The following PTPN12 variants were observed in gnomAD, a reference collection of about 807,000 sequenced individuals.
PTPN12 encodes the protein protein tyrosine phosphatase non-receptor type 12.
A neutral mutation model predicts 97.6 loss-of-function variants in PTPN12; 29 were observed. That is an observed-to-expected ratio of 0.30 (90% CI 0.22 to 0.41). The LOEUF is 0.41. Among genes scored for constraint, PTPN12 ranks in the 10% least tolerant of loss-of-function variants. The probability of loss-of-function intolerance (pLI) is 1.00; values close to 1 mark genes in which losing one functional copy is unlikely to be tolerated. For synonymous variants in PTPN12, 327 were observed against 300.4 expected (o/e 1.09, Z -0.91); for missense variants, 819 against 926.0 (o/e 0.88, Z 1.50).
intron 14 of PTPN12, among the ~76,000 whole-genome samples, chr7:77,633,735 G>A (rs187569287): frequency 6.6e-6 from 1 of 152,162 alleles, no homozygotes; most frequent in East Asian, 1.9e-4. Context: ...TAACACCACT[G>A]GAGTAGACTG....
At chr7:77,604,897 C>A in intron 8 of PTPN12, 1 of 433,608 alleles carries the variant, frequency 2.3e-6, no homozygotes, top group Non-Finnish European at 4.7e-6. Context: ...TCCTTTGCCA[C>A]TTACTGAACG....
At chr7:77,631,639 C>G (rs117836943) in intron 13 of PTPN12, among the ~76,000 whole-genome samples, 1 of 152,198 alleles carries the variant, frequency 6.6e-6, no homozygotes, top group Non-Finnish European at 1.5e-5. Context: ...TTAATGCACT[C>G]TCTTTCCCAA....
intron 2 of PTPN12, among the ~76,000 whole-genome samples, chr7:77,575,836 C>A (rs542525205): frequency 1.3e-5 from 2 of 151,986 alleles, no homozygotes; most frequent in South Asian, 2.1e-4. Flanking sequence ...AATATATAGT[C>A]TTTTGTGTCT....
At chr7:77,625,516 TCTCTCTCACTCTCA>T (rs1231287251) in intron 12 of PTPN12, among the ~76,000 whole-genome samples, 3 of 100,352 alleles carry the variant, frequency 3.0e-5, no homozygotes, top group African/African-American at 7.8e-5. Context: ...TCTCTCTCTC[TCTCTCTCACTCTCA>T]CTCTCACTCG....
intron 1 of PTPN12, among the ~76,000 whole-genome samples, chr7:77,543,117 T>C (rs1445274309): frequency 6.6e-6 from 1 of 152,156 alleles, no homozygotes; most frequent in Non-Finnish European, 1.5e-5. Flanking sequence ...CAGAGTCAAA[T>C]AATGCTGGGA....
chr7:77,636,699 GA>G lies in PTPN12; in HGVS notation c.2143-318del, dbSNP rs1789605553. ...AGCTACATCTTATATTTGATTTTAAGACATGATGTAGTTTAATTGACATATA... is the reference window on the plus strand; with the variant it reads ...AGCTACATCTTATATTTGATTTTAAGCATGATGTAGTTTAATTGACATATA... On this transcript the variant is annotated intron_variant, in intron 15 of 17. Transcript: ENST00000248594. 2.6e-5 allele frequency: 5 copies of G among 192,386 alleles called. No homozygotes were observed. In the South Asian group the frequency reaches 7.3e-4, roughly 28 times the overall value. The allele number at this position is 192,386 out of a possible 1,614,324, so 11.9% of individuals were successfully genotyped here.
intron 12 of PTPN12, among the ~76,000 whole-genome samples, chr7:77,625,883 G>A (rs1789161877): frequency 6.6e-6 from 1 of 151,396 alleles, no homozygotes; most frequent in Non-Finnish European, 1.5e-5. Context: ...ATTTCTTTAA[G>A]GAAAAAAATA....
chr7:77,580,144 TTC>T (rs1787468564), intron 2 of PTPN12, among the ~76,000 whole-genome samples: 1 of 152,200 alleles, frequency 6.6e-6, no homozygotes, highest in Non-Finnish European at 1.5e-5. Flanking sequence ...CATGATGGAA[TTC>T]TCTGTTACAC....
intron 1 of PTPN12, among the ~76,000 whole-genome samples, chr7:77,550,779 C>T (rs1252104588): frequency 6.6e-6 from 1 of 152,180 alleles, no homozygotes; most frequent in Non-Finnish European, 1.5e-5. Context: ...CTGACTTTCT[C>T]GAAACACTCT....
At chr7:77,633,216 G>A (rs1266440845) in intron 14 of PTPN12, among the ~76,000 whole-genome samples, 2 of 150,948 alleles carry the variant, frequency 1.3e-5, no homozygotes, top group East Asian at 3.9e-4. Flanking sequence ...ATTGCAGTGA[G>A]CCGAGATCAC....
rs190819348 is a variant in PTPN12, at chr7:77,637,541, T to G, written c.2173+493T>G. ...GGTAATTAAAGAGTAAACTACAATC[T>G]AAACAACATAAAACTTTAAAAGTGG... On this transcript the variant is annotated intron_variant, in intron 16 of 17. Coordinates refer to ENST00000248594, the MANE Select transcript of PTPN12 (RefSeq NM_002835.4). Among the ~76,000 whole-genome samples the G allele has an allele frequency of 3.6e-3, 554 of 152,236 alleles. 4 individuals carry two copies. Among genetic ancestry groups the G allele is most frequent in the Admixed American group, 5.3e-3 (81 of 15,260 alleles).
Position 77,571,065 on chromosome 7 carries a change from G to T in PTPN12, c.100-13G>T. On this transcript the variant is annotated splice_polypyrimidine_tract_variant and intron_variant, in intron 1 of 17. Transcript: ENST00000248594. ...TTTCTCTAAACTTTAATTTTTATTT[G>T]TTGTATTTTAAGCGGTTAAGAAGAT... The T allele has an allele frequency of 6.7e-7, 1 of 1,493,454 alleles. No homozygotes were observed. Among genetic ancestry groups the T allele is most frequent in the Non-Finnish European group, 9.0e-7 (1 of 1,108,456 alleles). 92.5% of individuals were successfully genotyped at this position (1,493,454 alleles called of 1,614,324 possible).
At chr7:77,545,020 T>C (rs1445494188) in intron 1 of PTPN12, among the ~76,000 whole-genome samples, 2 of 152,228 alleles carry the variant, frequency 1.3e-5, no homozygotes, top group African/African-American at 2.4e-5. Flanking sequence ...TTCAAATATT[T>C]TAAATAAATA....
chr7:77,557,724 A>C (rs1184865107), intron 1 of PTPN12, among the ~76,000 whole-genome samples: 1 of 152,208 alleles, frequency 6.6e-6, no homozygotes, highest in Non-Finnish European at 1.5e-5. Context: ...ATATCAATTA[A>C]AAGAACATTT....
In PTPN12 at chr7:77,537,306, G is replaced by C. The variant is rs1480016201; in HGVS notation, c.-241G>C. 2 of 425,524 alleles carry C rather than the reference G, an allele frequency of 4.7e-6. No individual in the cohort carries two copies. Among genetic ancestry groups the C allele is most frequent in the East Asian group, 4.7e-5 (1 of 21,444 alleles). The allele number at this position is 425,524 out of a possible 1,614,324, so 26.4% of individuals were successfully genotyped here. On this transcript the variant is annotated 5_prime_UTR_variant, in exon 1 of 18. Transcript: ENST00000248594. ...GGGTTGGGGTTGGCGCTAGCGCAGCGGCTCGCCTGGTACTGTGGGAGAGCG... is the reference window on the plus strand; with the variant it reads ...GGGTTGGGGTTGGCGCTAGCGCAGCCGCTCGCCTGGTACTGTGGGAGAGCG...
At position 77,627,678 on chromosome 7, in the gene PTPN12, A is replaced by C; in HGVS notation, c.1996+3A>C. On this transcript the variant is annotated splice_donor_region_variant and intron_variant, in intron 13 of 17. Transcript: ENST00000248594. ...AACACATTCAGGTGCTGAAAAAGGT[A>C]ATAATATAGTGTCAAATACTTAAAT... The C allele has an allele frequency of 6.4e-7, 1 of 1,554,822 alleles. No individual in the cohort carries two copies. Among genetic ancestry groups the C allele is most frequent in the Non-Finnish European group, 8.7e-7 (1 of 1,154,714 alleles).
intron 1 of PTPN12, among the ~76,000 whole-genome samples, chr7:77,564,746 G>GTGTTTTTTTTTTTTTTTTTTTT (rs1808163614): frequency 2.2e-5 from 1 of 45,402 alleles, no homozygotes; most frequent in East Asian, 8.1e-4. Context: ...TTGTTGTCGT[G>GTGTTTTTTTTTTTTTTTTTTTT]TTTTTTTTTT....
At chr7:77,577,790 A>T (rs1202403963) in intron 2 of PTPN12, among the ~76,000 whole-genome samples, 3 of 152,180 alleles carry the variant, frequency 2.0e-5, no homozygotes, top group Non-Finnish European at 2.9e-5. Context: ...GGGGAGTTTT[A>T]AAAAGGGTAT....
At chr7:77,630,935 C>A (rs781290176) in intron 13 of PTPN12, among the ~76,000 whole-genome samples, 1 of 152,078 alleles carries the variant, frequency 6.6e-6, no homozygotes, top group African/African-American at 2.4e-5. Context: ...GCAAGGGCCA[C>A]GCTTAGAAAA....
Sources: gnomAD v4.1 joint callset for allele counts (sites outside exome capture counted in the v4.1 genomes callset) on GRCh38, gnomAD v4.1.1 for gene constraint, MANE v1.5 for transcripts, NCBI Gene and HGNC (gene_info 2026-07-23, HGNC 2026-07-21) for gene names.